Variants in ARHGAP19 observed in about 807,000 individuals in gnomAD.
The protein encoded by ARHGAP19 is rho GTPase-activating protein 19.
A neutral mutation model predicts 60.9 loss-of-function variants in ARHGAP19; 48 were observed. That is an observed-to-expected ratio of 0.79 (90% confidence interval 0.62 to 1.00). The LOEUF is 1.00. Ranked by LOEUF, ARHGAP19 falls within the 50% of genes least tolerant of loss-of-function variation. ARHGAP19 has a pLI of 0.00. For missense variants in ARHGAP19, 562 were observed against 597.2 expected, an observed-to-expected ratio of 0.94 and a Z score of 0.61; for synonymous variants, 209 against 215.5, an observed-to-expected ratio of 0.97 and a Z score of 0.27.
chr10:97,234,160 G>A (rs1851084189), intron 9 of ARHGAP19, among the ~76,000 whole-genome samples: 1 of 151,862 alleles, frequency 6.6e-6, no homozygotes, highest in South Asian at 2.1e-4. Context: ...CTACCTACTT[G>A]GGAAGCTGAG....
intron 1 of ARHGAP19, among the ~76,000 whole-genome samples, chr10:97,274,860 G>A (rs982889704): frequency 1.3e-5 from 2 of 152,286 alleles, no homozygotes; most frequent in African/African-American, 4.8e-5. Flanking sequence ...GAATGATAGA[G>A]GCAAGACCCC....
intron 1 of ARHGAP19, among the ~76,000 whole-genome samples, chr10:97,274,333 C>T (rs1197260090): frequency 2.6e-5 from 4 of 151,980 alleles, no homozygotes; most frequent in Admixed American, 6.6e-5. Context: ...GGCATGGTGG[C>T]GGGCACCTGT....
intron 6 of ARHGAP19, 42 bp downstream of exon 6, chr10:97,256,274 ATT>A: frequency 1.4e-6 from 2 of 1,464,134 alleles, no homozygotes; most frequent in South Asian, 2.3e-5. Flanking sequence ...ACCTTGCTCC[ATT>A]TTCTTTGTCC....
At chr10:97,292,536 C>T in intron 1 of ARHGAP19, 36 bp downstream of exon 1, 1 of 1,613,936 alleles carries the variant, frequency 6.2e-7, no homozygotes, top group Non-Finnish European at 8.5e-7. Flanking sequence ...AGCCCAAGGC[C>T]GCGTTTCCCA....
At chr10:97,233,660 G>A (rs1190104832) in intron 9 of ARHGAP19, among the ~76,000 whole-genome samples, 1 of 152,150 alleles carries the variant, frequency 6.6e-6, no homozygotes, top group Non-Finnish European at 1.5e-5. Context: ...TTGAGGTCAC[G>A]AGTTCGAGAC....
intron 11 of ARHGAP19, among the ~76,000 whole-genome samples, chr10:97,226,933 G>C (rs1219721935): frequency 6.6e-6 from 1 of 152,192 alleles, no homozygotes; most frequent in Non-Finnish European, 1.5e-5. Context: ...ATGTGGAGAT[G>C]ACTTTGCCTC....
chr10:97,240,710 T>C (rs561382847), intron 8 of ARHGAP19, among the ~76,000 whole-genome samples: 1 of 152,342 alleles, frequency 6.6e-6, no homozygotes, highest in African/African-American at 2.4e-5. Context: ...ACATGAGAAA[T>C]GTTTGTAATA....
At chr10:97,243,587 T>C (rs1842519978) in intron 8 of ARHGAP19, among the ~76,000 whole-genome samples, 1 of 152,234 alleles carries the variant, frequency 6.6e-6, no homozygotes, top group Admixed American at 6.5e-5. Context: ...TTTTTACAAC[T>C]TTGAAACATT....
chr10:97,261,504 C>T (rs1842829323), intron 4 of ARHGAP19, among the ~76,000 whole-genome samples: 2 of 152,060 alleles, frequency 1.3e-5, no homozygotes, highest in Non-Finnish European at 2.9e-5. Context: ...CATGTTAACA[C>T]TTGTAAAAAG....
Position 97,272,993 on chromosome 10 carries a change from A to G in ARHGAP19, c.57-6868T>C, listed in dbSNP as rs1399007929. Among the ~76,000 whole-genome samples, 3 of 151,856 alleles carry G rather than the reference A, an allele frequency of 2.0e-5. No homozygotes were observed. The East Asian group carries it at 5.8e-4, about 29-fold the overall frequency. On this transcript the variant is annotated intron_variant, in intron 1 of 11. Transcript: ENST00000358531. ...GTAGCTGGGACTACAGGTGCCCGCCACCACGCCTGGCTAATTTTTTGTATT... is the reference window on the plus strand; with the variant it reads ...GTAGCTGGGACTACAGGTGCCCGCCGCCACGCCTGGCTAATTTTTTGTATT...
intron 1 of ARHGAP19, chr10:97,270,516 C>A (rs1455263883): frequency 9.8e-6 from 10 of 1,016,262 alleles, no homozygotes; most frequent in Non-Finnish European, 1.4e-5. Flanking sequence ...GAAAAAACTA[C>A]TATATTTAAG....
At chr10:97,251,423 A>G (rs1168221671) in intron 6 of ARHGAP19, among the ~76,000 whole-genome samples, 1 of 50,000 alleles carries the variant, frequency 2.0e-5, no homozygotes, top group African/African-American at 9.3e-5. Flanking sequence ...AGGAAGGGGA[A>G]GGGAAGGGGA....
intron 6 of ARHGAP19, among the ~76,000 whole-genome samples, chr10:97,249,585 G>T (rs1842612060): frequency 6.6e-6 from 1 of 152,076 alleles, no homozygotes; most frequent in Non-Finnish European, 1.5e-5. Context: ...CAGTTAACTT[G>T]ATGCTTCAAT....
intron 9 of ARHGAP19, among the ~76,000 whole-genome samples, chr10:97,234,433 A>G (rs961856545): frequency 3.6e-4 from 54 of 150,812 alleles, no homozygotes; most frequent in African/African-American, 1.1e-3. Flanking sequence ...AAAAAAAAAA[A>G]AAAAGATACT....
At chr10:97,246,011 T>C (rs563733970) in intron 7 of ARHGAP19, among the ~76,000 whole-genome samples, 1 of 152,210 alleles carries the variant, frequency 6.6e-6, no homozygotes, top group East Asian at 1.9e-4. Context: ...CACTGTAGAC[T>C]TGAATTCTCC....
intron 4 of ARHGAP19, among the ~76,000 whole-genome samples, chr10:97,261,978 A>C (rs1842835160): frequency 6.6e-6 from 1 of 152,188 alleles, no homozygotes; most frequent in Non-Finnish European, 1.5e-5. Flanking sequence ...TGTGTAACCT[A>C]TTACATAAAA....
At chr10:97,244,513 G>GA (rs1842535406) in intron 7 of ARHGAP19, among the ~76,000 whole-genome samples, 1 of 152,186 alleles carries the variant, frequency 6.6e-6, no homozygotes, top group South Asian at 2.1e-4. Context: ...TCTGACAGAG[G>GA]AAAAAAACTG....
chr10:97,280,777 G>A (rs577642266), intron 1 of ARHGAP19, among the ~76,000 whole-genome samples: 2 of 152,074 alleles, frequency 1.3e-5, no homozygotes, highest in East Asian at 3.9e-4. Flanking sequence ...ACAGCCCAGG[G>A]TCTCACTATG....
chr10:97,245,209 G>C (rs1224530001), intron 7 of ARHGAP19, among the ~76,000 whole-genome samples: 1 of 151,928 alleles, frequency 6.6e-6, no homozygotes, highest in Non-Finnish European at 1.5e-5. Flanking sequence ...GTTTGGCCAT[G>C]TTGCCCAAGC....
Sources: gnomAD v4.1 joint callset for allele counts (sites outside exome capture counted in the v4.1 genomes callset) on GRCh38, gnomAD v4.1.1 for gene constraint, MANE v1.5 for transcripts, NCBI Gene and HGNC (gene_info 2026-07-23, HGNC 2026-07-21) for gene names.